Variants in FAT4 observed in about 807,000 individuals in gnomAD.
FAT4 encodes the protein FAT atypical cadherin 4.
Under a neutral mutation model 303.9 loss-of-function variants are expected in FAT4, and 84 were observed. That is an observed-to-expected ratio of 0.28 (90% CI 0.23 to 0.33). The LOEUF is 0.33. FAT4 is among the 10% of genes least tolerant of loss of function. The pLI, the probability that FAT4 is intolerant of heterozygous loss-of-function variation, is 1.00. For missense variants in FAT4, 6,005 were observed against 6,146.8 expected, an observed-to-expected ratio of 0.98 and a Z score of 0.77; for synonymous variants, 2,307 against 2,298.8, an observed-to-expected ratio of 1.00 and a Z score of -0.10.
chr4:125,319,977 C>A lies in FAT4; in HGVS notation c.3566C>A (p.Pro1189His). 4 of 1,613,092 alleles carry A rather than the reference C, an allele frequency of 2.5e-6. No homozygotes were observed. Among genetic ancestry groups the A allele is most frequent in the Non-Finnish European group, 3.4e-6 (4 of 1,179,994 alleles). Residue 1189 changes from proline to histidine, a missense_variant, in exon 2 of 18, where the codon CCT (proline) becomes CAT (histidine). Transcript: ENST00000394329. Reference sequence around the variant, plus strand: ...GCAACAGATCAGGGGATCCCTCAGCCTCTCAAGGATCAGGCCACTGTACAT... The same window carrying A: ...GCAACAGATCAGGGGATCCCTCAGCATCTCAAGGATCAGGCCACTGTACAT... ...VIATDQGIPQ[P>H]LKDQATVHVY...
rs1161731048 is a variant in FAT4, at chr4:125,441,111, A to G, written c.7200-5182A>G. ...AATCTATGTAGTACACTGTCCTGTA[A>G]AATTATGAAGCCCTGACTATGCACC... On this transcript the variant is annotated intron_variant, in intron 8 of 17. Transcript: ENST00000394329. Among the ~76,000 whole-genome samples, 4 of 152,154 alleles carry G rather than the reference A, an allele frequency of 2.6e-5. No individual in the cohort carries two copies. In the East Asian group the frequency reaches 7.7e-4, roughly 29 times the overall value.
At position 125,316,226 on chromosome 4, in the gene FAT4, T is replaced by A. The variant is rs1730578947; in HGVS notation, c.-12-174T>A. On this transcript the variant is annotated intron_variant, in intron 1 of 17. Transcript: ENST00000394329. The surrounding 1 kb of genome is among the most constrained non-coding windows in gnomAD (Gnocchi z 5.7). The stretch of plus-strand genomic sequence containing the variant: ...ATCTCTCTTGCACTCCGCGTTCAAC[T>A]GGCTACCTAGAGTCTTTTGCTGATG... Among the ~76,000 whole-genome samples the A allele has an allele frequency of 6.6e-6, 1 of 152,190 alleles. No individual in the cohort carries two copies. The highest frequency in any genetic ancestry group is 2.4e-5 in the African/African-American group (1 of 41,462).
At chr4:125,354,329 GAT>G (rs1325362598) in intron 2 of FAT4, among the ~76,000 whole-genome samples, 1 of 151,518 alleles carries the variant, frequency 6.6e-6, no homozygotes, top group Non-Finnish European at 1.5e-5. Context: ...TTTGCTTTTG[GAT>G]ATGTTTTTGA....
chr4:125,315,054 C>CTGTGTGTGTGTGTGTGCGTGTGTA lies in FAT4; in HGVS notation c.-921_-898dup, dbSNP rs901349524. 6.6e-6 allele frequency among the ~76,000 whole-genome samples: 1 copy of CTGTGTGTGTGTGTGTGCGTGTGTA among 150,944 alleles called. No homozygotes were observed. Among genetic ancestry groups the CTGTGTGTGTGTGTGTGCGTGTGTA allele is most frequent in the African/African-American group, 2.4e-5 (1 of 41,198 alleles). Reference sequence around the variant, plus strand: ...CCTCTGTTTGTGTTTCGGCGACGCGCTGTGTGTGTGTGTGTGCGTGTGTAT... The same window carrying CTGTGTGTGTGTGTGTGCGTGTGTA: ...CCTCTGTTTGTGTTTCGGCGACGCGCTGTGTGTGTGTGTGTGCGTGTGTATGTGTGTGTGTGTGTGCGTGTGTAT... On this transcript the variant is annotated 5_prime_UTR_variant, in exon 1 of 18. It adds an upstream start codon to the 5' untranslated region. Transcript: ENST00000394329.
chr4:125,376,647 C>A (rs150288632), intron 2 of FAT4, among the ~76,000 whole-genome samples: 2,553 of 152,128 alleles, frequency 0.017, 71 homozygotes, highest in African/African-American at 0.058. Flanking sequence ...TGCCTGTAAT[C>A]CCAGTACTTT....
intron 2 of FAT4, among the ~76,000 whole-genome samples, chr4:125,391,800 A>G (rs1450748684): frequency 6.6e-6 from 1 of 152,206 alleles, no homozygotes; most frequent in Non-Finnish European, 1.5e-5. Context: ...AATTGCTTTA[A>G]AATATCATTG....
chr4:125,386,233 T>G (rs543653651), intron 2 of FAT4, among the ~76,000 whole-genome samples: 2 of 152,280 alleles, frequency 1.3e-5, no homozygotes, highest in Admixed American at 1.3e-4. Flanking sequence ...AATGTTTCAC[T>G]GTTTGAAACT....
chr4:125,376,721 G>T (rs1421157150), intron 2 of FAT4, among the ~76,000 whole-genome samples: 3 of 152,050 alleles, frequency 2.0e-5, no homozygotes, highest in Non-Finnish European at 4.4e-5. Flanking sequence ...CCAACATAGA[G>T]AAACCCGGTC....
intron 2 of FAT4, among the ~76,000 whole-genome samples, chr4:125,344,342 A>G (rs1731917218): frequency 6.6e-6 from 1 of 152,158 alleles, no homozygotes; most frequent in Non-Finnish European, 1.5e-5. Context: ...AACAGCATGA[A>G]CATAGTTAGT....
intron 2 of FAT4, among the ~76,000 whole-genome samples, chr4:125,364,853 G>C (rs1732803730): frequency 6.6e-6 from 1 of 152,104 alleles, no homozygotes; most frequent in South Asian, 2.1e-4. Flanking sequence ...GCCATCAAGA[G>C]TTTTTATCAA....
intron 2 of FAT4, among the ~76,000 whole-genome samples, chr4:125,322,947 A>G (rs183299920): frequency 6.6e-6 from 1 of 152,204 alleles, no homozygotes; most frequent in Non-Finnish European, 1.5e-5. Context: ...ATTTTAATAT[A>G]GGGCTTATAT....
intron 16 of FAT4, among the ~76,000 whole-genome samples, chr4:125,482,004 G>A (rs997904990): frequency 9.2e-5 from 14 of 152,134 alleles, no homozygotes; most frequent in African/African-American, 3.4e-4. Context: ...CAAAGAATTA[G>A]TTGCAATCTA....
chr4:125,451,272 T>C lies in FAT4; in HGVS notation c.10262T>C (p.Ile3421Thr), dbSNP rs1726059124. The change falls in exon 10 of 18, where the codon ATA (isoleucine) becomes ACA (threonine). Residue 3421 changes from isoleucine to threonine, a missense_variant. By Grantham distance (89) the Ile-to-Thr change is moderately conservative. Transcript: ENST00000394329. ...YSVQISEGVP[I>T]GTHVTFVSAF... ...GTGCAGATCAGTGAAGGGGTCCCAA[T>C]AGGAACTCATGTGACCTTTGTCAGT... 4.3e-6 allele frequency: 7 copies of C among 1,613,974 alleles called. No individual in the cohort carries two copies. Among genetic ancestry groups the C allele is most frequent in the African/African-American group, 4.0e-5 (3 of 74,914 alleles).
In FAT4 at chr4:125,449,705, A is replaced by G. The variant is rs1222443293; in HGVS notation, c.8695A>G (p.Thr2899Ala). Residue 2899 changes from threonine to alanine, a missense_variant, in exon 10 of 18, where the codon ACA becomes GCA. Physicochemically the swap from Thr to Ala is moderately conservative, Grantham distance 58 (BLOSUM62 0). Coordinates refer to ENST00000394329, the MANE Select transcript of FAT4 (RefSeq NM_001291303.3). The part of the protein sequence containing the change: ...IGSKVTQVFA[T>A]DPDEGSNGQV... The stretch of plus-strand genomic sequence containing the variant: ...CTCCAAAGTAACTCAGGTATTTGCA[A>G]CAGATCCTGATGAGGGATCAAATGG... 6.2e-7 allele frequency: 1 copy of G among 1,614,014 alleles called. No individual in the cohort carries two copies. The highest frequency in any genetic ancestry group is 1.7e-5 in the Admixed American group (1 of 60,014).
Position 125,319,799 on chromosome 4 carries a change from G to C in FAT4, c.3388G>C (p.Gly1130Arg). ...AGTAAGTGCTGTAGATAAAGACTTT[G>C]GGCCAAATGGAGAAGTAAGGTATTC... ...GKVSAVDKDF[G>R]PNGEVRYSFE... Residue 1130 changes from glycine (G) to arginine (R), a missense_variant, in exon 2 of 18, where the codon GGG becomes CGG. By Grantham distance (125) the Gly-to-Arg change is moderately radical (BLOSUM62 -2). Coordinates refer to ENST00000394329, the MANE Select transcript of FAT4 (RefSeq NM_001291303.3). The C allele has an allele frequency of 6.2e-7, 1 of 1,614,166 alleles. No homozygotes were observed. Among genetic ancestry groups the C allele is most frequent in the Non-Finnish European group, 8.5e-7 (1 of 1,180,022 alleles).
chr4:125,364,680 G>A (rs961318703), intron 2 of FAT4, among the ~76,000 whole-genome samples: 1 of 151,980 alleles, frequency 6.6e-6, no homozygotes, highest in African/African-American at 2.4e-5. Context: ...AGCTGGAAAC[G>A]CATACAACTC....
At chr4:125,356,138 C>T (rs1455919782) in intron 2 of FAT4, among the ~76,000 whole-genome samples, 2 of 151,966 alleles carry the variant, frequency 1.3e-5, no homozygotes, top group African/African-American at 4.8e-5. Context: ...TCACATGAAC[C>T]ACTCAGAGTG....
intron 7 of FAT4, among the ~76,000 whole-genome samples, chr4:125,418,741 A>C (rs1735168720): frequency 6.6e-6 from 1 of 152,154 alleles, no homozygotes. Context: ...AACTCATAGG[A>C]GGCTAACACA....
intron 8 of FAT4, among the ~76,000 whole-genome samples, chr4:125,439,435 C>G (rs1725571908): frequency 6.6e-6 from 1 of 151,818 alleles, no homozygotes; most frequent in Admixed American, 6.6e-5. Context: ...CAGGTTCACG[C>G]CATTCTCCTG....
Sources: allele counts gnomAD v4.1 joint callset (sites outside exome capture counted in the v4.1 genomes callset), GRCh38; gene constraint gnomAD v4.1.1; non-coding constraint Gnocchi (gnomAD v3.1); transcripts MANE v1.5; gene names NCBI Gene and HGNC (gene_info 2026-07-23, HGNC 2026-07-21).